Variants in SERINC3 observed in about 807,000 individuals in gnomAD.
SERINC3 encodes the protein tumor differentially expressed protein 1.
Under a neutral mutation model 52.1 loss-of-function variants are expected in SERINC3, and 22 were observed. That is an observed-to-expected ratio of 0.42 (90% CI 0.30 to 0.60). The LOEUF (loss-of-function observed/expected upper bound fraction) is 0.60, where lower values mean the gene tolerates loss of function less well. Ranked by LOEUF, SERINC3 falls within the 20% of genes least tolerant of loss-of-function variation. The pLI, the probability that SERINC3 is intolerant of heterozygous loss-of-function variation, is 0.16. For synonymous variants in SERINC3, 226 were observed against 212.7 expected (o/e 1.06, Z -0.54); for missense variants, 564 against 584.6 (o/e 0.96, Z 0.36).
intron 5 of SERINC3, 58 bp downstream of exon 5, chr20:44,509,833 A>T (rs1210800192): frequency 1.3e-6 from 2 of 1,567,484 alleles, no homozygotes; most frequent in Non-Finnish European, 1.8e-6. Context: ...GATGATTTTT[A>T]TTGTACACCG....
chr20:44,520,580 CAAT>C (rs2123079449), intron 1 of SERINC3, among the ~76,000 whole-genome samples: 1 of 152,020 alleles, frequency 6.6e-6, no homozygotes, highest in South Asian at 2.1e-4. Context: ...AAGATGGCAA[CAAT>C]AAACACTGGA....
intron 3 of SERINC3, among the ~76,000 whole-genome samples, chr20:44,511,901 T>A (rs2064349893): frequency 6.6e-6 from 1 of 152,206 alleles, no homozygotes; most frequent in Non-Finnish European, 1.5e-5. Context: ...AGCTCCAACC[T>A]CCAACTGGTT....
chr20:44,502,598 A>C (rs1285264140), intron 8 of SERINC3, among the ~76,000 whole-genome samples: 2 of 151,846 alleles, frequency 1.3e-5, no homozygotes, highest in Non-Finnish European at 2.9e-5. Flanking sequence ...AAAAAAAAAA[A>C]AAAAAACACA....
At chr20:44,508,307 T>C (rs1279011194) in intron 5 of SERINC3, among the ~76,000 whole-genome samples, 1 of 152,024 alleles carries the variant, frequency 6.6e-6, no homozygotes, top group Non-Finnish European at 1.5e-5. Flanking sequence ...ACCCTGTCTC[T>C]ACAAAAAACA....
At chr20:44,508,059 C>A (rs182998579) in intron 5 of SERINC3, among the ~76,000 whole-genome samples, 1 of 152,212 alleles carries the variant, frequency 6.6e-6, no homozygotes, top group Non-Finnish European at 1.5e-5. Context: ...AAATGATGTA[C>A]ATTAAGTTAC....
At chr20:44,505,218 A>G (rs933714210) in intron 6 of SERINC3, among the ~76,000 whole-genome samples, 1 of 152,224 alleles carries the variant, frequency 6.6e-6, no homozygotes, top group Non-Finnish European at 1.5e-5. Context: ...GGAGAGGCCT[A>G]TCACTTCTTT....
intron 5 of SERINC3, among the ~76,000 whole-genome samples, 163 bp from the exon 6 acceptor site, chr20:44,507,159 T>C (rs2064320184): frequency 6.6e-6 from 1 of 152,252 alleles, no homozygotes; most frequent in African/African-American, 2.4e-5. Flanking sequence ...ATCAAGATTG[T>C]ATTCAATTGG....
intron 5 of SERINC3, among the ~76,000 whole-genome samples, 162 bp from the exon 6 acceptor site, chr20:44,507,158 G>T (rs866829115): frequency 3.2e-4 from 49 of 152,144 alleles, no homozygotes; most frequent in African/African-American, 9.9e-4. Flanking sequence ...TATCAAGATT[G>T]TATTCAATTG....
rs934243006 is a variant in SERINC3, at chr20:44,522,058, A to T, written c.-107T>A. On this transcript the variant is annotated 5_prime_UTR_variant, in exon 1 of 10. Coordinates refer to ENST00000342374, the MANE Select transcript of SERINC3 (RefSeq NM_006811.4). ...AAACATGACGGTTTCTCAGGCCGGA[A>T]ACGCAGCCTTCCACAGACGCACGGA... The T allele has an allele frequency of 1.6e-6, 2 of 1,245,378 alleles. No homozygotes were observed. Among genetic ancestry groups the T allele is most frequent in the Non-Finnish European group, 2.3e-6 (2 of 877,482 alleles). 77.1% of individuals were successfully genotyped at this position (1,245,378 alleles called of 1,614,324 possible).
At chr20:44,504,568 A>G (rs762129506) in intron 7 of SERINC3, among the ~76,000 whole-genome samples, 31 of 152,252 alleles carry the variant, frequency 2.0e-4, no homozygotes, top group Admixed American at 4.6e-4. Context: ...GGTAAAGCCT[A>G]GACCATCTAA....
Position 44,497,611 on chromosome 20 carries a change from G to T in SERINC3, c.*2685C>A, listed in dbSNP as rs1369684236. ...CTCCGCTACTGTAAAGAAAAGCAGG[G>T]TATCTGCTTCACACTGGCAAAATAA... On this transcript the variant is annotated 3_prime_UTR_variant, in exon 10 of 10. Transcript: ENST00000342374. 3 of 152,290 alleles carry T rather than the reference G, an allele frequency of 2.0e-5. No homozygotes were observed. The highest frequency in any genetic ancestry group is 4.8e-5 in the African/African-American group (2 of 41,422). The allele number at this position is 152,290 out of a possible 1,614,324, so 9.4% of individuals were successfully genotyped here. A position where few individuals can be genotyped will look rare whatever the true frequency, so the allele number is the denominator to read the frequency against.
chr20:44,514,161 G>A (rs2064365975), intron 1 of SERINC3, 121 bp from the exon 2 acceptor site: 1 of 1,098,434 alleles, frequency 9.1e-7, no homozygotes, highest in Non-Finnish European at 1.2e-6. Context: ...GAGAATCATG[G>A]CTGGGAGGAA....
At position 44,509,889 on chromosome 20, in the gene SERINC3, A is replaced by G; in HGVS notation, c.613+2T>C. The G allele has an allele frequency of 6.2e-7, 1 of 1,614,074 alleles. No homozygotes were observed. Among genetic ancestry groups the G allele is most frequent in the Non-Finnish European group, 8.5e-7 (1 of 1,179,938 alleles). Reference sequence around the variant, plus strand: ...CTAACATAGGTGAGTAGAGATACCTACCAGCATACCACAACCTTGGGTTTC... The same window carrying G: ...CTAACATAGGTGAGTAGAGATACCTGCCAGCATACCACAACCTTGGGTTTC... On this transcript the variant is annotated splice_donor_variant, in intron 5 of 9. Coordinates refer to ENST00000342374, the MANE Select transcript of SERINC3 (RefSeq NM_006811.4). LOFTEE classifies it high-confidence loss of function.
downstream of SERINC3, among the ~76,000 whole-genome samples, chr20:44,497,028 T>C (rs1476657495): frequency 1.3e-5 from 2 of 152,128 alleles, no homozygotes; most frequent in Non-Finnish European, 2.9e-5. Context: ...TCTCCCGGCT[T>C]TAACGAGGTA....
chr20:44,521,941 A>G lies in SERINC3; in HGVS notation c.11T>C (p.Val4Ala), dbSNP rs2064420017. 6.2e-7 allele frequency: 1 copy of G among 1,611,652 alleles called. No individual in the cohort carries two copies. The highest frequency in any genetic ancestry group is 1.3e-5 in the African/African-American group (1 of 74,904). The change falls in exon 1 of 10, where the codon GTG (valine) becomes GCG (alanine). Residue 4 changes from valine (V) to alanine (A), a missense_variant. Coordinates refer to ENST00000342374, the MANE Select transcript of SERINC3 (RefSeq NM_006811.4). ...GCTGGCGAGGGAGAAGACACCCAGCACAGCCCCCATGGTGACGCCAGTGAT... is the reference window on the plus strand; with the variant it reads ...GCTGGCGAGGGAGAAGACACCCAGCGCAGCCCCCATGGTGACGCCAGTGAT... MGA[V>A]LGVFSLASWV...
Position 44,506,897 on chromosome 20 carries a change from T to C in SERINC3, c.713A>G (p.Lys238Arg). The C allele has an allele frequency of 2.5e-6, 4 of 1,613,672 alleles. No individual in the cohort carries two copies. The highest frequency in any genetic ancestry group is 3.4e-6 in the Non-Finnish European group (4 of 1,179,818). ...GATCAGGTTAATACTGATGAAGAAC[T>C]TGTTTTCTGTGCAGCCATCTGGTTT... ...YTKPDGCTEN[K>R]FFISINLILC... is the part of the protein sequence containing the mutation. Residue 238 changes from lysine (K) to arginine (R), a missense_variant, in exon 6 of 10, where the codon AAG becomes AGG. By Grantham distance (26) the Lys-to-Arg change is conservative. Coordinates refer to ENST00000342374, the MANE Select transcript of SERINC3 (RefSeq NM_006811.4).
intron 1 of SERINC3, among the ~76,000 whole-genome samples, chr20:44,520,664 T>C (rs2064410745): frequency 6.6e-6 from 1 of 152,198 alleles, no homozygotes; most frequent in Non-Finnish European, 1.5e-5. Context: ...CTGTGTTCAC[T>C]GTTTGGGCAA....
chr20:44,520,213 T>C (rs193138956), intron 1 of SERINC3, among the ~76,000 whole-genome samples: 162 of 152,214 alleles, frequency 1.1e-3, no homozygotes, highest in Middle Eastern at 6.8e-3. Flanking sequence ...CCGTCTTTAT[T>C]GAAAATACAA....
At chr20:44,513,579 A>G (rs1410582112) in intron 2 of SERINC3, among the ~76,000 whole-genome samples, 1 of 152,190 alleles carries the variant, frequency 6.6e-6, no homozygotes, top group Non-Finnish European at 1.5e-5. Flanking sequence ...GAGTCCTTCC[A>G]AAGGTGAAGA....
Sources: gnomAD v4.1 joint callset for allele counts (sites outside exome capture counted in the v4.1 genomes callset) on GRCh38, gnomAD v4.1.1 for gene constraint, MANE v1.5 for transcripts, NCBI Gene and HGNC (gene_info 2026-07-23, HGNC 2026-07-21) for gene names.